The following LRCH4 variants were observed in gnomAD, a reference collection of about 807,000 sequenced individuals.
The protein encoded by LRCH4 is leucine-rich repeat and calponin homology domain-containing protein 4.
LRCH4 carries 56 observed loss-of-function variants against 81.2 expected under a neutral mutation model. The observed-to-expected ratio is 0.69, with a 90% CI of 0.56 to 0.86. LRCH4 has a LOEUF of 0.86. LRCH4 is among the 40% of genes least tolerant of loss of function. LRCH4 has a pLI of 0.00. For synonymous variants in LRCH4, 442 were observed against 409.7 expected (o/e 1.08, Z -0.95); for missense variants, 895 against 922.8 (o/e 0.97, Z 0.39).
intron 1 of LRCH4, among the ~76,000 whole-genome samples, chr7:100,584,429 C>A (rs1052881670): frequency 1.4e-5 from 2 of 142,004 alleles, no homozygotes; most frequent in Admixed American, 7.0e-5. Flanking sequence ...AGGAGGGGGC[C>A]GGGGGCGGGA....
chr7:100,582,277 G>A lies in LRCH4; in HGVS notation c.365+38C>T. The A allele has an allele frequency of 6.2e-7, 1 of 1,613,934 alleles. No individual in the cohort carries two copies. Among genetic ancestry groups the A allele is most frequent in the Non-Finnish European group, 8.5e-7 (1 of 1,179,974 alleles). On this transcript the variant is annotated intron_variant, in intron 2 of 17. Transcript: ENST00000310300. This position sits in a 1 kb window ranked among gnomAD's most constrained non-coding sequence, Gnocchi z 5.0. ...ACTCAGTAGTACTTGAGACTGAGAAGCACACGCTCCCACGTGGCCCTGGCT... is the reference window on the plus strand; with the variant it reads ...ACTCAGTAGTACTTGAGACTGAGAAACACACGCTCCCACGTGGCCCTGGCT...
In LRCH4 at chr7:100,582,584, G is replaced by T; in HGVS notation, c.221-125C>A. 1 of 963,326 alleles carries T rather than the reference G, an allele frequency of 1.0e-6. No individual in the cohort carries two copies. The highest frequency in any genetic ancestry group is 1.5e-6 in the Non-Finnish European group (1 of 645,436). 59.7% of individuals were successfully genotyped at this position (963,326 alleles called of 1,614,324 possible). A position where few individuals can be genotyped will look rare whatever the true frequency, so the allele number is the denominator to read the frequency against. On this transcript the variant is annotated intron_variant, in intron 1 of 17. Coordinates refer to ENST00000310300, the MANE Select transcript of LRCH4 (RefSeq NM_002319.5). This position sits in a 1 kb window ranked among gnomAD's most constrained non-coding sequence, Gnocchi z 5.0. ...CCTAAAGATTCAAGGCCATCAATGT[G>T]GCCTCCCAGGAGAGATAACAAAGCC...
Position 100,575,774 on chromosome 7 carries a change from G to A in LRCH4, c.1785C>T (p.Leu595=). ...CATTCTTCCGAGCCTTGAGGGCACT[G>A]AGTTTTGGCTGGGGTGGGTGAAAGA... ...IHVPSPAVPK[L]SALKARKNVE... is the part of the protein sequence containing the mutation. Residue 595 remains leucine, a synonymous_variant, in exon 17 of 18, where the codon CTC becomes CTT. Transcript: ENST00000310300. This position sits in a 1 kb window ranked among gnomAD's most constrained non-coding sequence, Gnocchi z 5.3. 6.2e-7 allele frequency: 1 copy of A among 1,609,632 alleles called. No individual in the cohort carries two copies. The highest frequency in any genetic ancestry group is 2.2e-5 in the East Asian group (1 of 44,766).
Position 100,583,168 on chromosome 7 carries a change from G to A in LRCH4, c.221-709C>T, listed in dbSNP as rs1434295852. On this transcript the variant is annotated intron_variant, in intron 1 of 17. Coordinates refer to ENST00000310300, the MANE Select transcript of LRCH4 (RefSeq NM_002319.5). This position sits in a 1 kb window ranked among gnomAD's most constrained non-coding sequence, Gnocchi z 4.3. ...CCCATCTGGGCTTCTCTGGCCCAGGGCAGGCATCCTTCCTACCCTCTGCTA... is the reference window on the plus strand; with the variant it reads ...CCCATCTGGGCTTCTCTGGCCCAGGACAGGCATCCTTCCTACCCTCTGCTA... Among the ~76,000 whole-genome samples, 3 of 152,156 alleles carry A rather than the reference G, an allele frequency of 2.0e-5. No homozygotes were observed. The highest frequency in any genetic ancestry group is 2.1e-4 in the South Asian group (1 of 4,834).
chr7:100,582,703 G>A lies in LRCH4; in HGVS notation c.221-244C>T, dbSNP rs1360413445. 2.0e-5 allele frequency among the ~76,000 whole-genome samples: 3 copies of A among 152,238 alleles called. No homozygotes were observed. Among genetic ancestry groups the A allele is most frequent in the African/African-American group, 4.8e-5 (2 of 41,462 alleles). On this transcript the variant is annotated intron_variant, in intron 1 of 17. Coordinates refer to ENST00000310300, the MANE Select transcript of LRCH4 (RefSeq NM_002319.5). The surrounding 1 kb of genome is among the most constrained non-coding windows in gnomAD (Gnocchi z 5.0). ...CTGGGCTAGAGAAGCCTCAGACTTG[G>A]GGGTTGGGGAATGTCAATGGAGGGC...
Position 100,577,711 on chromosome 7 carries a change from T to A in LRCH4, c.1069A>T (p.Ile357Phe). The A allele has an allele frequency of 1.9e-6, 3 of 1,613,994 alleles. No individual in the cohort carries two copies. Among genetic ancestry groups the A allele is most frequent in the Middle Eastern group, 1.6e-4 (1 of 6,062 alleles). Residue 357 changes from isoleucine (I) to phenylalanine (F), a missense_variant, in exon 9 of 18, where the codon ATC becomes TTC. Physicochemically the swap from Ile to Phe is conservative, Grantham distance 21. Coordinates refer to ENST00000310300, the MANE Select transcript of LRCH4 (RefSeq NM_002319.5). This position sits in a 1 kb window ranked among gnomAD's most constrained non-coding sequence, Gnocchi z 6.7. ...TCCTCCCCGGGGACATGGCTGTCGA[T>A]GAAGTCAATCTGCACAGGGTCTCCG... ...ADGDPVQIDF[I>F]DSHVPGEDEE...
intron 4 of LRCH4, chr7:100,579,151 T>C (rs1483122662): frequency 3.9e-6 from 1 of 255,956 alleles, no homozygotes; most frequent in Non-Finnish European, 7.6e-6. Flanking sequence ...CAAACCCTGT[T>C]CAAACACCTC....
Position 100,577,421 on chromosome 7 carries a change from A to G in LRCH4, c.1179-32T>C. ...GACCAAGACAGGGCAAGAGGGGCAG[A>G]CCCCGGGGTCAGGGAAGGAGGCGGT... is the stretch of plus-strand genomic sequence containing the variant. On this transcript the variant is annotated intron_variant, in intron 10 of 17. Transcript: ENST00000310300. This position sits in a 1 kb window ranked among gnomAD's most constrained non-coding sequence, Gnocchi z 6.7. The G allele has an allele frequency of 1.9e-6, 3 of 1,600,320 alleles. No homozygotes were observed. The highest frequency in any genetic ancestry group is 2.5e-6 in the Non-Finnish European group (3 of 1,179,516).
At chr7:100,580,610 CAT>C (rs1291418549) in intron 4 of LRCH4, 4 of 151,794 alleles carry the variant, frequency 2.6e-5, no homozygotes, top group Admixed American at 2.6e-4. Flanking sequence ...ACACAACAGA[CAT>C]AAACACAAAC....
chr7:100,576,127 G>A (rs76022902), intron 15 of LRCH4, 111 bp downstream of exon 15: 149,487 of 1,466,296 alleles, frequency 0.1, 8,406 homozygotes, highest in Non-Finnish European at 0.11. Context: ...GTCCTCAGGG[G>A]AGGTGCCAGA....
Position 100,583,858 on chromosome 7 carries a change from G to A in LRCH4, c.221-1399C>T, listed in dbSNP as rs1447361074. 1 of 283,112 alleles carries A rather than the reference G, an allele frequency of 3.5e-6. No individual in the cohort carries two copies. Among genetic ancestry groups the A allele is most frequent in the Non-Finnish European group, 7.2e-6 (1 of 138,768 alleles). The allele number at this position is 283,112 out of a possible 1,614,324, so 17.5% of individuals were successfully genotyped here. ...TGTGGACGAAGGGGGTGGAGACCGA[G>A]TTCTCAGAGTTCTGATGGGGTAGGC... is the stretch of plus-strand genomic sequence containing the variant. On this transcript the variant is annotated intron_variant, in intron 1 of 17. Coordinates refer to ENST00000310300, the MANE Select transcript of LRCH4 (RefSeq NM_002319.5). This position sits in a 1 kb window ranked among gnomAD's most constrained non-coding sequence, Gnocchi z 4.3.
At chr7:100,581,981 C>T (rs1801573691) in intron 3 of LRCH4, 60 bp downstream of exon 3, 6 of 1,602,030 alleles carry the variant, frequency 3.7e-6, no homozygotes, top group Admixed American at 3.4e-5. Flanking sequence ...CCAACCTCCC[C>T]CTAGAAGGTC....
chr7:100,576,230 C>T lies in LRCH4; in HGVS notation c.1638+8G>A. ...GCCCCTGCCCACGCAGCTCCCGCCT[C>T]TGCTCACCTGGCGCAGCTGAGTCAT... is the stretch of plus-strand genomic sequence containing the variant. On this transcript the variant is annotated splice_region_variant and intron_variant, in intron 15 of 17. Coordinates refer to ENST00000310300, the MANE Select transcript of LRCH4 (RefSeq NM_002319.5). 6.2e-7 allele frequency: 1 copy of T among 1,613,738 alleles called. No individual in the cohort carries two copies. Among genetic ancestry groups the T allele is most frequent in the East Asian group, 2.2e-5 (1 of 44,864 alleles).
At position 100,583,463 on chromosome 7, in the gene LRCH4, C is replaced by T. The variant is rs558004778; in HGVS notation, c.221-1004G>A. ...TGTCCTGGGAGGGGCCCAGGGCCCG[C>T]GAGGCGGAGTCCCAGGCCACAGACC... On this transcript the variant is annotated intron_variant, in intron 1 of 17. Coordinates refer to ENST00000310300, the MANE Select transcript of LRCH4 (RefSeq NM_002319.5). This position sits in a 1 kb window ranked among gnomAD's most constrained non-coding sequence, Gnocchi z 4.3. Among the ~76,000 whole-genome samples, 11 of 152,252 alleles carry T rather than the reference C, an allele frequency of 7.2e-5. No individual in the cohort carries two copies. The highest frequency in any genetic ancestry group is 1.9e-4 in the East Asian group (1 of 5,158).
At chr7:100,576,062 G>A (rs1801348618) in intron 15 of LRCH4, 54 bp from the exon 16 acceptor site, 1 of 1,561,234 alleles carries the variant, frequency 6.4e-7, no homozygotes, top group South Asian at 1.2e-5. Context: ...GCGTCTGGGA[G>A]GCAGGGAGAG....
At chr7:100,580,439 CACACACAA>C (rs1411463154) in intron 4 of LRCH4, 1 of 151,496 alleles carries the variant, frequency 6.6e-6, no homozygotes, top group African/African-American at 2.5e-5. Context: ...CACACACACA[CACACACAA>C]AACCCACACA....
In LRCH4 at chr7:100,575,166, AGAC is replaced by A; in HGVS notation, c.1990_1992del (p.Val664del). 1 of 1,613,448 alleles carries A rather than the reference AGAC, an allele frequency of 6.2e-7. No homozygotes were observed. The highest frequency in any genetic ancestry group is 1.1e-5 in the South Asian group (1 of 90,966). On this transcript the variant is annotated inframe_deletion, in exon 18 of 18. Transcript: ENST00000310300. The surrounding 1 kb of genome is among the most constrained non-coding windows in gnomAD (Gnocchi z 5.3). ...AGCAGCAGCATGAGGACCACGTAGA[AGAC>A]GACGAAGCCGCCCAGACCAGAGGGG...
At position 100,575,028 on chromosome 7, in the gene LRCH4, C is replaced by T. The variant is rs544565317; in HGVS notation, c.*79G>A. The T allele has an allele frequency of 2.6e-5, 36 of 1,381,210 alleles. No homozygotes were observed. The East Asian group carries it at 7.2e-4, about 28-fold the overall frequency. 85.6% of individuals were successfully genotyped at this position (1,381,210 alleles called of 1,614,324 possible). On this transcript the variant is annotated 3_prime_UTR_variant, in exon 18 of 18. Coordinates refer to ENST00000310300, the MANE Select transcript of LRCH4 (RefSeq NM_002319.5). The surrounding 1 kb of genome is among the most constrained non-coding windows in gnomAD (Gnocchi z 5.3). Reference sequence around the variant, plus strand: ...TGTCTTTGGTTGGGGCTGAAGGCACCGCAGGTGGGGTCGGGTGGAGCAGGG... The same window carrying T: ...TGTCTTTGGTTGGGGCTGAAGGCACTGCAGGTGGGGTCGGGTGGAGCAGGG...
chr7:100,579,100 C>A, intron 4 of LRCH4: 1 of 391,522 alleles, frequency 2.6e-6, no homozygotes, highest in Non-Finnish European at 4.7e-6. Context: ...CCACTCCACA[C>A]TCGAACCCAC....
Sources: gnomAD v4.1 joint callset for allele counts (sites outside exome capture counted in the v4.1 genomes callset) on GRCh38, gnomAD v4.1.1 for gene constraint, Gnocchi (gnomAD v3.1) non-coding constraint, MANE v1.5 for transcripts, NCBI Gene and HGNC (gene_info 2026-07-23, HGNC 2026-07-21) for gene names.